Variants in AUTS2 observed in about 807,000 individuals in gnomAD.
AUTS2 encodes the protein autism susceptibility gene 2 protein.
In AUTS2, 17 loss-of-function variants were observed where a neutral mutation model predicts 112.4. The ratio of observed to expected loss-of-function variants is 0.15; its 90% confidence interval spans 0.10 to 0.23. The LOEUF (loss-of-function observed/expected upper bound fraction) is 0.23. Ranked by LOEUF, AUTS2 falls within the 10% of genes least tolerant of loss-of-function variation. AUTS2 has a pLI of 1.00. For missense variants in AUTS2, 1,510 were observed against 1,701.6 expected (o/e 0.89, Z 1.98); for synonymous variants, 751 against 702.7 (o/e 1.07, Z -1.09).
chr7:70,562,380 C>G (rs963653551), intron 5 of AUTS2, among the ~76,000 whole-genome samples: 2 of 152,150 alleles, frequency 1.3e-5, no homozygotes, highest in Non-Finnish European at 2.9e-5. Flanking sequence ...CTGCCAGGGT[C>G]GACAACTAAC....
intron 4 of AUTS2, among the ~76,000 whole-genome samples, chr7:70,278,193 C>T (rs1318333679): frequency 1.3e-5 from 2 of 152,124 alleles, no homozygotes; most frequent in African/African-American, 4.8e-5. Flanking sequence ...ATTAGACCAA[C>T]TTGTTCTTAG....
intron 1 of AUTS2, among the ~76,000 whole-genome samples, chr7:69,720,566 T>C (rs1438418156): frequency 2.0e-5 from 3 of 152,212 alleles, no homozygotes; most frequent in Non-Finnish European, 4.4e-5. Context: ...TCATGCCCAA[T>C]TTATCTTTTA....
At chr7:70,073,455 G>A (rs1254239424) in intron 2 of AUTS2, among the ~76,000 whole-genome samples, 5 of 149,226 alleles carry the variant, frequency 3.4e-5, no homozygotes, top group Admixed American at 2.0e-4. Context: ...AGGCTGCAGT[G>A]AGCTGAGATC....
intron 2 of AUTS2, among the ~76,000 whole-genome samples, chr7:69,930,590 C>T (rs1473282540): frequency 1.3e-5 from 2 of 152,130 alleles, no homozygotes; most frequent in South Asian, 4.1e-4. Flanking sequence ...TTTGTTGTTT[C>T]AGGCAGGAGA....
intron 4 of AUTS2, among the ~76,000 whole-genome samples, chr7:70,377,328 AT>A (rs1398014369): frequency 2.8e-3 from 33 of 11,718 alleles, no homozygotes; most frequent in Non-Finnish European, 4.4e-3. Flanking sequence ...AAATATAAAT[AT>A]ATATATATAT....
intron 4 of AUTS2, among the ~76,000 whole-genome samples, chr7:70,141,846 T>G (rs1806881540): frequency 6.6e-6 from 1 of 152,186 alleles, no homozygotes; most frequent in Non-Finnish European, 1.5e-5. Context: ...CAAGTTAAAC[T>G]GTGGTGAGAG....
intron 3 of AUTS2, among the ~76,000 whole-genome samples, chr7:70,121,928 C>G (rs1006030396): frequency 2.0e-5 from 3 of 152,126 alleles, no homozygotes; most frequent in African/African-American, 7.2e-5. Context: ...TAGAAACAAC[C>G]CATGTGTTTC....
chr7:70,310,767 T>C (rs1318371512), intron 4 of AUTS2, among the ~76,000 whole-genome samples: 1 of 152,154 alleles, frequency 6.6e-6, no homozygotes, highest in East Asian at 1.9e-4. Flanking sequence ...AGAAATAGAA[T>C]GCAAAACACA....
intron 4 of AUTS2, among the ~76,000 whole-genome samples, chr7:70,270,937 G>A (rs534959027): frequency 2.0e-4 from 31 of 152,262 alleles, no homozygotes; most frequent in Non-Finnish European, 3.5e-4. Context: ...AGAAGTCCTT[G>A]AGCATCCTTC....
chr7:69,693,795 G>T (rs1027652084), intron 1 of AUTS2, among the ~76,000 whole-genome samples: 12 of 152,214 alleles, frequency 7.9e-5, no homozygotes, highest in African/African-American at 2.7e-4. Flanking sequence ...TGATTTCCAT[G>T]ACATTGCTTT....
chr7:70,067,220 A>G (rs1294365131), intron 2 of AUTS2, among the ~76,000 whole-genome samples: 1 of 152,224 alleles, frequency 6.6e-6, no homozygotes, highest in Admixed American at 6.5e-5. Flanking sequence ...GAGGCATTTA[A>G]CTTCTCTTAA....
intron 13 of AUTS2, among the ~76,000 whole-genome samples, chr7:70,775,755 T>C (rs1585670571): frequency 6.6e-6 from 1 of 152,214 alleles, no homozygotes; most frequent in African/African-American, 2.4e-5. Context: ...TTTTGGCTGG[T>C]GGCTCCCTCT....
intron 5 of AUTS2, among the ~76,000 whole-genome samples, chr7:70,442,460 A>G (rs1009035445): frequency 2.6e-5 from 4 of 152,026 alleles, no homozygotes; most frequent in South Asian, 2.1e-4. Context: ...ACAATTTCTT[A>G]TGGTTCTTGG....
At chr7:70,604,362 G>A (rs1228234664) in intron 5 of AUTS2, among the ~76,000 whole-genome samples, 1 of 152,228 alleles carries the variant, frequency 6.6e-6, no homozygotes, top group East Asian at 1.9e-4. Context: ...GATGCAGAAG[G>A]TGGGCCTTAC....
chr7:70,641,774 G>C (rs142333039), intron 5 of AUTS2, among the ~76,000 whole-genome samples: 4 of 152,326 alleles, frequency 2.6e-5, no homozygotes, highest in Non-Finnish European at 4.4e-5. Context: ...GTGTTCTTCT[G>C]TGTGGGTGTT....
intron 2 of AUTS2, among the ~76,000 whole-genome samples, chr7:69,973,575 C>G (rs1797941237): frequency 6.6e-6 from 1 of 152,040 alleles, no homozygotes; most frequent in African/African-American, 2.4e-5. Context: ...GGATTTTTCT[C>G]TATGTTCTTT....
intron 1 of AUTS2, among the ~76,000 whole-genome samples, chr7:69,761,438 G>T (rs1788181064): frequency 6.6e-6 from 1 of 152,114 alleles, no homozygotes; most frequent in African/African-American, 2.4e-5. Flanking sequence ...TTTCATTGTT[G>T]ATCTAGTGAG....
intron 2 of AUTS2, among the ~76,000 whole-genome samples, chr7:69,996,148 C>T (rs1348359294): frequency 6.6e-6 from 1 of 152,146 alleles, no homozygotes; most frequent in African/African-American, 2.4e-5. Flanking sequence ...TTTTATCTGT[C>T]AAATGTGGGT....
intron 1 of AUTS2, among the ~76,000 whole-genome samples, chr7:69,690,297 C>G (rs1393843784): frequency 6.6e-6 from 1 of 152,182 alleles, no homozygotes; most frequent in Non-Finnish European, 1.5e-5. Context: ...ACATAATTCT[C>G]TATGTATGAA....
Sources: gnomAD v4.1 joint callset for allele counts (sites outside exome capture counted in the v4.1 genomes callset) on GRCh38, gnomAD v4.1.1 for gene constraint, MANE v1.5 for transcripts, NCBI Gene and HGNC (gene_info 2026-07-23, HGNC 2026-07-21) for gene names.